The following UIMC1 variants were observed in gnomAD, a reference collection of about 807,000 sequenced individuals.
UIMC1 encodes the protein ubiquitin interaction motif containing 1.
UIMC1 carries 42 observed loss-of-function variants against 84.9 expected under a neutral mutation model. The ratio of observed to expected loss-of-function variants is 0.49; its 90% CI spans 0.39 to 0.64. UIMC1 has a LOEUF of 0.64. UIMC1 is among the 30% of genes least tolerant of loss of function. The probability of loss-of-function intolerance (pLI) is 0.00; values close to 1 mark genes in which losing one functional copy is unlikely to be tolerated. For missense variants in UIMC1, 825 were observed against 847.6 expected, an observed-to-expected ratio of 0.97 and a Z score of 0.33; for synonymous variants, 281 against 293.0, an observed-to-expected ratio of 0.96 and a Z score of 0.42.
At chr5:177,019,534 C>G (rs898380855) in intron 1 of UIMC1, among the ~76,000 whole-genome samples, 1 of 150,644 alleles carries the variant, frequency 6.6e-6, no homozygotes, top group African/African-American at 2.5e-5. Context: ...CCTTGCTACT[C>G]AGGAGGCTGA....
At chr5:176,929,101 A>C (rs568197515) in intron 10 of UIMC1, among the ~76,000 whole-genome samples, 6 of 151,490 alleles carry the variant, frequency 4.0e-5, no homozygotes, top group Non-Finnish European at 8.8e-5. Context: ...ATAATAGAAA[A>C]AAAATTAGCC....
At chr5:176,944,200 C>T (rs377118356) in intron 9 of UIMC1, among the ~76,000 whole-genome samples, 2 of 152,282 alleles carry the variant, frequency 1.3e-5, no homozygotes, top group South Asian at 4.1e-4. Flanking sequence ...GACCTAAGAC[C>T]TGTGTTTTAT....
At chr5:176,941,127 TA>T (rs1764368913) in intron 10 of UIMC1, among the ~76,000 whole-genome samples, 1 of 152,178 alleles carries the variant, frequency 6.6e-6, no homozygotes, top group African/African-American at 2.4e-5. Context: ...AAATATGTAA[TA>T]ATTAAGTAAA....
intron 1 of UIMC1, among the ~76,000 whole-genome samples, chr5:177,000,751 C>T (rs867019164): frequency 1.3e-5 from 2 of 151,974 alleles, no homozygotes; most frequent in Non-Finnish European, 2.9e-5. Context: ...CCACCTGCCT[C>T]GGACTCCCAA....
chr5:176,914,002 C>T (rs116790275), intron 10 of UIMC1, among the ~76,000 whole-genome samples: 1 of 142,166 alleles, frequency 7.0e-6, no homozygotes, highest in African/African-American at 2.9e-5. Flanking sequence ...CCATACCATA[C>T]CATAGCATAC....
chr5:176,905,559 T>C, intron 14 of UIMC1, 67 bp from the exon 15 acceptor site: 1 of 1,413,416 alleles, frequency 7.1e-7, no homozygotes, highest in South Asian at 1.2e-5. Context: ...TGCTATGCAC[T>C]GTATCAGGGG....
At position 177,001,094 on chromosome 5, in the gene UIMC1, C is replaced by T. The variant is rs139690666; in HGVS notation, c.-9+5556G>A. ...AGAAGTTTTTGCCCAGACCAATGTC[C>T]TAGAGAGTTTCCCCAAAGTTTTCTT... is the stretch of plus-strand genomic sequence containing the variant. On this transcript the variant is annotated intron_variant, in intron 1 of 14. Coordinates refer to ENST00000511320, the MANE Select transcript of UIMC1 (RefSeq NM_001199298.2). Among the ~76,000 whole-genome samples the T allele has an allele frequency of 9.1e-3, 1,384 of 152,262 alleles. 8 individuals are homozygous for T. The highest frequency in any genetic ancestry group is 0.025 in the South Asian group (120 of 4,828).
chr5:177,011,920 C>T (rs1775556637), intron 1 of UIMC1, among the ~76,000 whole-genome samples: 2 of 152,078 alleles, frequency 1.3e-5, no homozygotes, highest in African/African-American at 4.8e-5. Context: ...CCTTCCTCAG[C>T]CTCCCGAGTA....
intron 10 of UIMC1, among the ~76,000 whole-genome samples, chr5:176,941,848 C>CT (rs561667860): frequency 7.4e-4 from 108 of 146,230 alleles, no homozygotes; most frequent in East Asian, 4.2e-3. Context: ...TTGGTACAGA[C>CT]TTTTTTTTTT....
At chr5:176,923,658 GT>G (rs1761985299) in intron 10 of UIMC1, among the ~76,000 whole-genome samples, 2 of 151,432 alleles carry the variant, frequency 1.3e-5, no homozygotes, top group African/African-American at 4.9e-5. Flanking sequence ...GAGGTCAGCA[GT>G]TTGAGACCAG....
At chr5:176,923,900 G>GACACACACACACAC (rs35583665) in intron 10 of UIMC1, among the ~76,000 whole-genome samples, 1 of 145,584 alleles carries the variant, frequency 6.9e-6, no homozygotes, top group Non-Finnish European at 1.5e-5. Context: ...CACACACACA[G>GACACACACACACAC]ACACACACAC....
chr5:176,908,461 G>A (rs1759691134), intron 12 of UIMC1, 62 bp downstream of exon 12: 4 of 1,535,694 alleles, frequency 2.6e-6, no homozygotes, highest in South Asian at 2.6e-5. Flanking sequence ...ACAGAACTGT[G>A]GCCTCTTACA....
At chr5:176,967,111 G>A (rs1441869490) in intron 6 of UIMC1, among the ~76,000 whole-genome samples, 1 of 152,188 alleles carries the variant, frequency 6.6e-6, no homozygotes, top group Non-Finnish European at 1.5e-5. Flanking sequence ...TGATCTCTAT[G>A]GAGGGCAATT....
intron 6 of UIMC1, among the ~76,000 whole-genome samples, chr5:176,964,323 G>A (rs967642536): frequency 2.6e-5 from 4 of 152,192 alleles, no homozygotes; most frequent in Admixed American, 2.6e-4. Flanking sequence ...TTGTTGGCAA[G>A]GCTTCAGTGA....
chr5:177,010,905 C>G (rs1234755618), upstream of UIMC1, among the ~76,000 whole-genome samples: 1 of 152,058 alleles, frequency 6.6e-6, no homozygotes, highest in Admixed American at 6.6e-5. Context: ...TTAAGAACCA[C>G]TACTGGGCCA....
intron 6 of UIMC1, among the ~76,000 whole-genome samples, chr5:176,963,382 A>G (rs1256691799): frequency 2.0e-5 from 3 of 151,922 alleles, no homozygotes; most frequent in Non-Finnish European, 4.4e-5. Flanking sequence ...TTAGCCAGGC[A>G]TGGTGGTGCA....
At chr5:176,940,197 C>A (rs538254128) in intron 10 of UIMC1, among the ~76,000 whole-genome samples, 11 of 152,304 alleles carry the variant, frequency 7.2e-5, no homozygotes, top group African/African-American at 2.6e-4. Flanking sequence ...AGTTTGAGTT[C>A]TCTCACCACA....
At chr5:176,990,720 T>C (rs75962395) in intron 1 of UIMC1, among the ~76,000 whole-genome samples, 156 of 152,228 alleles carry the variant, frequency 1.0e-3, no homozygotes, top group African/African-American at 3.7e-3. Context: ...TTGCCTTGGC[T>C]TGAATGCAAT....
At position 176,998,417 on chromosome 5, in the gene UIMC1, T is replaced by C. The variant is rs558076671; in HGVS notation, c.-9+8233A>G. ...AGGCAAAGGTTGCACTAAGCTGAGA[T>C]TGCGCCACCACTGCACTCCAGCCTG... On this transcript the variant is annotated intron_variant, in intron 1 of 14. Coordinates refer to ENST00000511320, the MANE Select transcript of UIMC1 (RefSeq NM_001199298.2). Among the ~76,000 whole-genome samples, 15 of 127,410 alleles carry C rather than the reference T, an allele frequency of 1.2e-4. No homozygotes were observed. The East Asian group carries it at 1.5e-3, about 13-fold the overall frequency. The allele number at this position is 127,410 out of a possible 152,430, so 83.6% of individuals were successfully genotyped here.
Sources: allele counts gnomAD v4.1 joint callset (sites outside exome capture counted in the v4.1 genomes callset), GRCh38; gene constraint gnomAD v4.1.1; transcripts MANE v1.5; gene names NCBI Gene and HGNC (gene_info 2026-07-23, HGNC 2026-07-21).